The following DTNBP1 variants were observed in gnomAD, a reference collection of about 807,000 sequenced individuals.
The protein encoded by DTNBP1 is dysbindin.
DTNBP1 carries 35 observed loss-of-function variants against 42.8 expected under a neutral mutation model. That is an observed-to-expected ratio of 0.82 (90% CI 0.63 to 1.09). DTNBP1 has a LOEUF of 1.09. Ranked by LOEUF, DTNBP1 falls within the 50% of genes least tolerant of loss-of-function variation. The pLI is 0.00. For missense variants in DTNBP1, 457 were observed against 424.2 expected (o/e 1.08, Z -0.68); for synonymous variants, 171 against 162.2 (o/e 1.05, Z -0.41).
At chr6:15,582,224 T>C (rs1336246024) in intron 7 of DTNBP1, among the ~76,000 whole-genome samples, 1 of 152,188 alleles carries the variant, frequency 6.6e-6, no homozygotes, top group Non-Finnish European at 1.5e-5. Flanking sequence ...CTAAATTCTA[T>C]TGTTTACATT....
At chr6:15,647,714 AC>A (rs1760768179) in intron 3 of DTNBP1, among the ~76,000 whole-genome samples, 1 of 151,952 alleles carries the variant, frequency 6.6e-6, no homozygotes, top group African/African-American at 2.4e-5. Context: ...ATTCCCACAA[AC>A]ACAAAACATA....
At chr6:15,655,963 AG>A (rs545050315) in intron 1 of DTNBP1, among the ~76,000 whole-genome samples, 1 of 152,346 alleles carries the variant, frequency 6.6e-6, no homozygotes, top group Admixed American at 6.5e-5. Context: ...CATGCTGTGA[AG>A]GAAATACTGA....
chr6:15,599,629 A>G (rs1023924565), intron 6 of DTNBP1, among the ~76,000 whole-genome samples: 3 of 152,162 alleles, frequency 2.0e-5, no homozygotes, highest in African/African-American at 7.2e-5. Context: ...AACTAATAAA[A>G]ACTAACGTTG....
chr6:15,627,386 G>A lies in DTNBP1; in HGVS notation c.312C>T (p.Leu104=). The part of the protein sequence containing the change: ...LVELQEQLQQ[L]PALIADLESM... Reference sequence around the variant, plus strand: ...ATTCTAAGTCTGCGATTAAAGCTGGGAGCTGCTGGAGCTGCTCTTGCAGCT... The same window carrying A: ...ATTCTAAGTCTGCGATTAAAGCTGGAAGCTGCTGGAGCTGCTCTTGCAGCT... Residue 104 remains leucine (L), a synonymous_variant, in exon 5 of 10, where the codon CTC becomes CTT. Coordinates refer to ENST00000344537, the MANE Select transcript of DTNBP1 (RefSeq NM_032122.5). 6.2e-7 allele frequency: 1 copy of A among 1,613,902 alleles called. No individual in the cohort carries two copies. Among genetic ancestry groups the A allele is most frequent in the Non-Finnish European group, 8.5e-7 (1 of 1,179,972 alleles).
chr6:15,661,103 T>C (rs1761588045), intron 1 of DTNBP1, among the ~76,000 whole-genome samples: 1 of 152,248 alleles, frequency 6.6e-6, no homozygotes, highest in African/African-American at 2.4e-5. Flanking sequence ...GCTCAAGCGT[T>C]TGACAGTTTG....
chr6:15,621,870 T>G (rs2113722116), intron 5 of DTNBP1, among the ~76,000 whole-genome samples: 1 of 152,294 alleles, frequency 6.6e-6, no homozygotes, highest in East Asian at 1.9e-4. Flanking sequence ...CTTAGGCCAG[T>G]GGCAGCCCGC....
chr6:15,648,985 T>C (rs1030569273), intron 3 of DTNBP1, among the ~76,000 whole-genome samples: 1 of 149,408 alleles, frequency 6.7e-6, no homozygotes, highest in Non-Finnish European at 1.5e-5. Flanking sequence ...CTCATTAGAG[T>C]AGCTATAATA....
chr6:15,651,331 C>T lies in DTNBP1; in HGVS notation c.143G>A (p.Gly48Glu). ...TVPFLPKYSA[G>E]LELLSRYEDT... ...CACTTACCTGCTAAGTAATTCTAAT[C>T]CAGCAGAGTACTTTGGCAAAAATGG... The change falls in exon 3 of 10, where the codon GGA becomes GAA. Residue 48 changes from glycine to glutamate, a missense_variant. Transcript: ENST00000344537. The T allele has an allele frequency of 6.2e-7, 1 of 1,611,648 alleles. No homozygotes were observed. The highest frequency in any genetic ancestry group is 8.5e-7 in the Non-Finnish European group (1 of 1,179,672).
At chr6:15,528,573 C>T (rs941266335) in intron 8 of DTNBP1, among the ~76,000 whole-genome samples, 11 of 152,306 alleles carry the variant, frequency 7.2e-5, no homozygotes, top group African/African-American at 2.6e-4. Flanking sequence ...TATACAGAAA[C>T]TGCCAAAGGT....
chr6:15,590,488 G>A (rs1361426612), intron 7 of DTNBP1, among the ~76,000 whole-genome samples: 1 of 152,084 alleles, frequency 6.6e-6, no homozygotes, highest in East Asian at 1.9e-4. Flanking sequence ...CTGCTTTCCA[G>A]AGCTAAGTCT....
At chr6:15,570,697 C>T (rs745957770) in intron 7 of DTNBP1, among the ~76,000 whole-genome samples, 2 of 152,204 alleles carry the variant, frequency 1.3e-5, no homozygotes, top group African/African-American at 4.8e-5. Flanking sequence ...GTTTACAGTA[C>T]TCTGTTCTTC....
At chr6:15,580,468 G>A (rs1394644989) in intron 7 of DTNBP1, among the ~76,000 whole-genome samples, 4 of 152,146 alleles carry the variant, frequency 2.6e-5, no homozygotes, top group Admixed American at 6.5e-5. Flanking sequence ...GCTTATTACA[G>A]CACAAGTTAT....
At position 15,652,097 on chromosome 6, in the gene DTNBP1, T is replaced by G; in HGVS notation, c.100A>C (p.Ser34Arg). 6.2e-7 allele frequency: 1 copy of G among 1,613,046 alleles called. No homozygotes were observed. Among genetic ancestry groups the G allele is most frequent in the South Asian group, 1.1e-5 (1 of 90,918 alleles). The change falls in exon 2 of 10, where the codon AGC (serine) becomes CGC (arginine). Residue 34 changes from serine (S) to arginine (R), a missense_variant. Coordinates refer to ENST00000344537, the MANE Select transcript of DTNBP1 (RefSeq NM_032122.5). ...SDKSREAKVK[S>R]KPRTVPFLPK... ...TTAGCACAAGCTTACCTGGGTTTGC[T>G]TTTCACTTTTGCTTCTCTTGACTTG...
rs1410981771 is a variant in DTNBP1, at chr6:15,522,947, T to G, written c.*28A>C. 1 of 1,614,216 alleles carries G rather than the reference T, an allele frequency of 6.2e-7. No homozygotes were observed. The highest frequency in any genetic ancestry group is 1.1e-5 in the South Asian group (1 of 91,084). ...GCATACAGCCAAAACTGGATTCCAG[T>G]GTGGCCAGACAACGCCCATGTCCCA... On this transcript the variant is annotated 3_prime_UTR_variant, in exon 10 of 10. Transcript: ENST00000344537.
intron 4 of DTNBP1, among the ~76,000 whole-genome samples, chr6:15,629,990 C>T (rs903151293): frequency 9.9e-5 from 15 of 152,070 alleles, no homozygotes; most frequent in African/African-American, 3.4e-4. Flanking sequence ...AAGCTATCTC[C>T]GGAAGTTCAA....
At chr6:15,603,719 C>A (rs1321033481) in intron 6 of DTNBP1, among the ~76,000 whole-genome samples, 1 of 152,178 alleles carries the variant, frequency 6.6e-6, no homozygotes, top group Admixed American at 6.5e-5. Flanking sequence ...ACGTCTTCAG[C>A]AGTATTCAGA....
chr6:15,612,496 T>C (rs942181281), intron 6 of DTNBP1, among the ~76,000 whole-genome samples: 2 of 152,232 alleles, frequency 1.3e-5, no homozygotes, highest in African/African-American at 4.8e-5. Context: ...ACAATATTCA[T>C]ATACTTTTTG....
chr6:15,662,415 AG>A (rs1761697982), intron 1 of DTNBP1, among the ~76,000 whole-genome samples: 1 of 152,230 alleles, frequency 6.6e-6, no homozygotes, highest in African/African-American at 2.4e-5. Flanking sequence ...GCGCACGAGC[AG>A]GTGTCTGCTG....
chr6:15,620,629 T>C lies in DTNBP1; in HGVS notation c.356-5230A>G, dbSNP rs564098494. On this transcript the variant is annotated intron_variant, in intron 5 of 9. Coordinates refer to ENST00000344537, the MANE Select transcript of DTNBP1 (RefSeq NM_032122.5). ...TGGTCTTAAAATGTATAAAACACTATCATAGCTAATAGGATTATTTAAAAG... is the reference window on the plus strand; with the variant it reads ...TGGTCTTAAAATGTATAAAACACTACCATAGCTAATAGGATTATTTAAAAG... 1.6e-4 allele frequency among the ~76,000 whole-genome samples: 25 copies of C among 152,364 alleles called. No homozygotes were observed. The South Asian group carries it at 5.0e-3, about 30-fold the overall frequency.
Sources: allele counts gnomAD v4.1 joint callset (sites outside exome capture counted in the v4.1 genomes callset), GRCh38; gene constraint gnomAD v4.1.1; transcripts MANE v1.5; gene names NCBI Gene and HGNC (gene_info 2026-07-23, HGNC 2026-07-21).